The following FRY variants were observed in gnomAD, a reference collection of about 807,000 sequenced individuals.
FRY encodes FRY microtubule binding protein.
FRY carries 128 observed loss-of-function variants against 348.4 expected under a neutral mutation model. That is an observed-to-expected ratio of 0.37 (90% CI 0.32 to 0.43). The LOEUF (loss-of-function observed/expected upper bound fraction) is 0.43, where lower values mean the gene tolerates loss of function less well. FRY is among the 20% of genes least tolerant of loss of function. The pLI, the probability that FRY is intolerant of heterozygous loss-of-function variation, is 1.00. For synonymous variants in FRY, 1,370 were observed against 1,374.7 expected (o/e 1.00, Z 0.08); for missense variants, 2,736 against 3,695.2 (o/e 0.74, Z 6.73).
Position 32,201,950 on chromosome 13 carries a change from C to G in FRY, c.3756C>G (p.Pro1252=), listed in dbSNP as rs374521917. The G allele has an allele frequency of 3.8e-6, 6 of 1,575,236 alleles. No individual in the cohort carries two copies. The South Asian group carries it at 5.5e-5, about 15-fold the overall frequency. Residue 1252 remains proline, a synonymous_variant, in exon 30 of 61, where the codon CCC becomes CCG. Coordinates refer to ENST00000542859, the MANE Select transcript of FRY (RefSeq NM_023037.3). ...IATVCGSRNY[P]FDIVTLLNLV... Reference sequence around the variant, plus strand: ...TCTGTTGTGTTTTTAGGAACTATCCCTTCGACATAGTGACATTGTTAAACC... The same window carrying G: ...TCTGTTGTGTTTTTAGGAACTATCCGTTCGACATAGTGACATTGTTAAACC...
intron 29 of FRY, among the ~76,000 whole-genome samples, chr13:32,199,018 G>C (rs558275643): frequency 6.6e-6 from 1 of 152,270 alleles, no homozygotes; most frequent in Non-Finnish European, 1.5e-5. Context: ...CTATCAATGC[G>C]TGTCAAAAGT....
intron 8 of FRY, among the ~76,000 whole-genome samples, chr13:32,133,586 C>T (rs1017273024): frequency 3.9e-5 from 6 of 151,930 alleles, no homozygotes; most frequent in Non-Finnish European, 5.9e-5. Context: ...AGTGACTTCC[C>T]GTACTGGTGT....
In FRY at chr13:32,114,855, T is replaced by C. The variant is rs74046716; in HGVS notation, c.325-2479T>C. Among the ~76,000 whole-genome samples the C allele has an allele frequency of 8.9e-3, 1,351 of 152,328 alleles. 22 individuals carry two copies. The highest frequency in any genetic ancestry group is 0.031 in the African/African-American group (1,282 of 41,570). On this transcript the variant is annotated intron_variant, in intron 3 of 60. Coordinates refer to ENST00000542859, the MANE Select transcript of FRY (RefSeq NM_023037.3). ...TACCTTGCCACATCATGATTAGCTT[T>C]CTTCTGAAAAGTTACTGCTGTTACA...
chr13:32,225,521 A>G (rs1258371936), intron 38 of FRY, among the ~76,000 whole-genome samples: 1 of 152,240 alleles, frequency 6.6e-6, no homozygotes, highest in Admixed American at 6.5e-5. Context: ...GAACATCTCA[A>G]GAAGAAGGAA....
intron 28 of FRY, among the ~76,000 whole-genome samples, chr13:32,191,920 T>C (rs1158881472): frequency 6.6e-6 from 1 of 152,114 alleles, no homozygotes; most frequent in Non-Finnish European, 1.5e-5. Context: ...GTCTATAGCA[T>C]GAGGGAAATG....
At chr13:32,209,233 G>A in intron 32 of FRY, 124 bp downstream of exon 32, 2 of 1,089,096 alleles carry the variant, frequency 1.8e-6, no homozygotes, top group Non-Finnish European at 2.8e-6. Context: ...ATAAATAGTG[G>A]TGATGGTTGC....
chr13:32,083,407 C>T (rs1875627386), intron 2 of FRY, among the ~76,000 whole-genome samples: 1 of 152,140 alleles, frequency 6.6e-6, no homozygotes, highest in South Asian at 2.1e-4. Flanking sequence ...TGTTATAACA[C>T]TACTTCTTGT....
chr13:32,219,385 G>A (rs1448769461), intron 36 of FRY, among the ~76,000 whole-genome samples: 10 of 145,592 alleles, frequency 6.9e-5, no homozygotes, highest in African/African-American at 2.3e-4. Flanking sequence ...CACCGCGCCC[G>A]GCCGTGTTTT....
At chr13:32,072,188 G>A (rs1391052107) in intron 1 of FRY, among the ~76,000 whole-genome samples, 1 of 152,184 alleles carries the variant, frequency 6.6e-6, no homozygotes, top group Non-Finnish European at 1.5e-5. Context: ...AAGTGTAAGT[G>A]AAAGGAGGAA....
At chr13:32,112,688 T>TACAC (rs960260106) in intron 3 of FRY, among the ~76,000 whole-genome samples, 2 of 152,250 alleles carry the variant, frequency 1.3e-5, no homozygotes, top group Non-Finnish European at 2.9e-5. Context: ...TGTTATGTCT[T>TACAC]ACATACTTTT....
chr13:32,119,446 A>T (rs1182748031), intron 4 of FRY, among the ~76,000 whole-genome samples: 1 of 152,208 alleles, frequency 6.6e-6, no homozygotes, highest in African/African-American at 2.4e-5. Flanking sequence ...AGAAATGTAT[A>T]TGTCTTACTT....
chr13:32,230,339 C>G (rs1372364055), intron 40 of FRY, among the ~76,000 whole-genome samples: 1 of 152,190 alleles, frequency 6.6e-6, no homozygotes, highest in Non-Finnish European at 1.5e-5. Context: ...TCTGTTCCTG[C>G]GTTAGTTTGC....
chr13:32,260,131 T>C (rs1887553817), intron 51 of FRY, among the ~76,000 whole-genome samples: 1 of 152,174 alleles, frequency 6.6e-6, no homozygotes, highest in South Asian at 2.1e-4. Context: ...CTTGTTTCAC[T>C]AGGAGACAGA....
intron 58 of FRY, among the ~76,000 whole-genome samples, chr13:32,286,614 C>T (rs1441875266): frequency 2.6e-5 from 4 of 151,448 alleles, no homozygotes; most frequent in Admixed American, 2.0e-4. Context: ...GGCATGGTGG[C>T]GGGTGCCTAT....
chr13:32,152,251 G>A (rs1880841803), intron 14 of FRY, among the ~76,000 whole-genome samples: 1 of 152,124 alleles, frequency 6.6e-6, no homozygotes, highest in Non-Finnish European at 1.5e-5. Context: ...TACCTTTTCT[G>A]TAGAAATCAA....
intron 18 of FRY, among the ~76,000 whole-genome samples, chr13:32,172,542 A>C (rs1420149046): frequency 6.6e-6 from 1 of 152,194 alleles, no homozygotes; most frequent in Admixed American, 6.5e-5. Context: ...TGCAGAGCGC[A>C]TTGAGGAGGA....
At position 32,099,010 on chromosome 13, in the gene FRY, T is replaced by C. The variant is rs115115803; in HGVS notation, c.271-2953T>C. 2.2e-3 allele frequency among the ~76,000 whole-genome samples: 337 copies of C among 151,844 alleles called. 4 individuals carry two copies. Among genetic ancestry groups the C allele is most frequent in the African/African-American group, 6.5e-3 (269 of 41,302 alleles). ...TGCGTTTCTTCAAGAACAAAGACAG[T>C]TGGGGCAGGGGTGGGGCTTGTATAT... is the stretch of plus-strand genomic sequence containing the variant. On this transcript the variant is annotated intron_variant, in intron 2 of 60. Coordinates refer to ENST00000542859, the MANE Select transcript of FRY (RefSeq NM_023037.3).
chr13:32,221,586 C>T (rs1885318262), intron 36 of FRY, among the ~76,000 whole-genome samples: 2 of 152,344 alleles, frequency 1.3e-5, no homozygotes, highest in South Asian at 4.1e-4. Flanking sequence ...GATCTTGGCT[C>T]ACTGCAGCCT....
intron 4 of FRY, among the ~76,000 whole-genome samples, chr13:32,123,820 T>TTTGTTGTTG (rs34241410): frequency 1.3e-5 from 2 of 151,636 alleles, no homozygotes. Flanking sequence ...ATTAGCATGT[T>TTTGTTGTTG]TTGTTGTTGT....
Sources: allele counts gnomAD v4.1 joint callset (sites outside exome capture counted in the v4.1 genomes callset), GRCh38; gene constraint gnomAD v4.1.1; transcripts MANE v1.5; gene names NCBI Gene and HGNC (gene_info 2026-07-23, HGNC 2026-07-21).